The following CDK5RAP1 variants were observed in gnomAD, a reference collection of about 807,000 sequenced individuals.
CDK5RAP1 encodes CDK5RAP1 mitochondrial tRNA methylthiotransferase.
CDK5RAP1 carries 62 observed loss-of-function variants against 64.5 expected under a neutral mutation model. The ratio of observed to expected loss-of-function variants is 0.96; its 90% CI spans 0.78 to 1.19. The LOEUF (loss-of-function observed/expected upper bound fraction) is 1.19. CDK5RAP1 is among the 50% of genes most tolerant of loss of function. CDK5RAP1 has a pLI of 0.00. For missense variants in CDK5RAP1, 657 were observed against 735.0 expected (o/e 0.89, Z 1.23); for synonymous variants, 250 against 261.9 (o/e 0.95, Z 0.44).
At chr20:33,374,322 G>C in intron 8 of CDK5RAP1, 110 bp from the exon 9 acceptor site, 1 of 703,240 alleles carries the variant, frequency 1.4e-6, no homozygotes, top group Non-Finnish European at 2.5e-6. Flanking sequence ...ACATAATTAA[G>C]AGGCTAATTA....
chr20:33,383,974 G>T (rs1386027804), intron 7 of CDK5RAP1, among the ~76,000 whole-genome samples: 1 of 152,030 alleles, frequency 6.6e-6, no homozygotes, highest in Non-Finnish European at 1.5e-5. Flanking sequence ...TGGGGCAGAG[G>T]GGTCATTATA....
intron 7 of CDK5RAP1, among the ~76,000 whole-genome samples, chr20:33,384,078 G>A (rs1987114377): frequency 6.6e-6 from 1 of 151,950 alleles, no homozygotes; most frequent in African/African-American, 2.4e-5. Flanking sequence ...ACTTCCAATA[G>A]ATAACCATTG....
At chr20:33,393,147 G>C (rs1025657197) in intron 4 of CDK5RAP1, among the ~76,000 whole-genome samples, 1 of 151,996 alleles carries the variant, frequency 6.6e-6, no homozygotes, top group East Asian at 1.9e-4. Flanking sequence ...CAAAGCGCTG[G>C]GATTACAGGT....
chr20:33,390,001 G>A (rs1347683485), intron 5 of CDK5RAP1, among the ~76,000 whole-genome samples: 1 of 151,408 alleles, frequency 6.6e-6, no homozygotes, highest in East Asian at 1.9e-4. Flanking sequence ...TTCTGGCCAG[G>A]TGCTATGGGT....
intron 8 of CDK5RAP1, among the ~76,000 whole-genome samples, chr20:33,379,167 T>C (rs940660473): frequency 3.3e-5 from 5 of 152,156 alleles, no homozygotes; most frequent in African/African-American, 1.2e-4. Context: ...TTTTTTGTAT[T>C]TGCAGTAGAG....
In CDK5RAP1 at chr20:33,382,240, G is replaced by T. The variant is rs76123449; in HGVS notation, c.877-2549C>A. ...ATTAAAAAGTAGGATATAAAACTAA[G>T]TAAAATACACACACATATATAAAAA... On this transcript the variant is annotated intron_variant, in intron 7 of 13. Transcript: ENST00000346416. 9.8e-3 allele frequency among the ~76,000 whole-genome samples: 1,485 copies of T among 152,218 alleles called. 15 individuals are homozygous for T. Among genetic ancestry groups the T allele is most frequent in the African/African-American group, 0.033 (1,368 of 41,518 alleles).
chr20:33,365,226 G>C (rs149683636), intron 12 of CDK5RAP1, among the ~76,000 whole-genome samples: 1 of 152,032 alleles, frequency 6.6e-6, no homozygotes, highest in East Asian at 1.9e-4. Flanking sequence ...TGGTTAATAG[G>C]TATGCCAGCA....
chr20:33,380,115 GACA>G (rs1185056973), intron 7 of CDK5RAP1, among the ~76,000 whole-genome samples: 1 of 152,124 alleles, frequency 6.6e-6, no homozygotes, highest in African/African-American at 2.4e-5. Context: ...TATATTAAAT[GACA>G]ACATGAGGAA....
In CDK5RAP1 at chr20:33,366,880, G is replaced by A; in HGVS notation, c.1521C>T (p.Thr507=). 1 of 1,613,684 alleles carries A rather than the reference G, an allele frequency of 6.2e-7. No individual in the cohort carries two copies. Among genetic ancestry groups the A allele is most frequent in the Admixed American group, 1.7e-5 (1 of 59,902 alleles). Reference sequence around the variant, plus strand: ...TCACCCCTTCCACTAGCACCAACTGGGTACAGCCCACAGAGGTCTGATTGG... The same window carrying A: ...TCACCCCTTCCACTAGCACCAACTGAGTACAGCCCACAGAGGTCTGATTGG... ...TKANQTSVGC[T]QLVLVEGLSK... Residue 507 remains threonine (T), a synonymous_variant, in exon 12 of 14, where the codon ACC becomes ACT. Transcript: ENST00000346416.
rs149518156 is a variant in CDK5RAP1, at chr20:33,379,661, T to C, written c.907A>G (p.Asn303Asp). Residue 303 changes from asparagine (N) to aspartate (D), a missense_variant, in exon 8 of 14, where the codon AAT becomes GAT. Transcript: ENST00000346416. ...GAATTGTCCCGAAAACTATTAACATTCTGACCAAGAAGTGTCACTTCTTTC... is the reference window on the plus strand; with the variant it reads ...GAATTGTCCCGAAAACTATTAACATCCTGACCAAGAAGTGTCACTTCTTTC... Reference protein sequence around the residue: ...GLKEVTLLGQNVNSFRDNSEV... With the variant: ...GLKEVTLLGQDVNSFRDNSEV... 1 of 1,614,130 alleles carries C rather than the reference T, an allele frequency of 6.2e-7. No homozygotes were observed. The highest frequency in any genetic ancestry group is 1.7e-5 in the Admixed American group (1 of 60,022).
intron 7 of CDK5RAP1, among the ~76,000 whole-genome samples, chr20:33,382,357 G>C (rs1415223600): frequency 1.3e-5 from 2 of 152,170 alleles, no homozygotes; most frequent in Non-Finnish European, 2.9e-5. Flanking sequence ...AGCAATTTTT[G>C]TTAATCTTAC....
At position 33,387,441 on chromosome 20, in the gene CDK5RAP1, G is replaced by A. The variant is rs143986547; in HGVS notation, c.637C>T (p.Arg213Trp). ...CCCGACTCAGCAACAGCCAGCAGCC[G>A]GGGAAGGTCCCGGTAGGCATCAGGA... ...AGPDAYRDLP[R>W]LLAVAESGQQ... The change falls in exon 6 of 14, where the codon CGG (arginine) becomes TGG (tryptophan). Residue 213 changes from arginine to tryptophan, a missense_variant. Arg to Trp is a moderately radical substitution (Grantham distance 101). Coordinates refer to ENST00000346416, the MANE Select transcript of CDK5RAP1 (RefSeq NM_016408.4). 654 of 1,614,042 alleles carry A rather than the reference G, an allele frequency of 4.1e-4. No homozygotes were observed. The highest frequency in any genetic ancestry group is 5.2e-4 in the Non-Finnish European group (611 of 1,179,972).
In CDK5RAP1 at chr20:33,369,878, C is replaced by G. The variant is rs117279115; in HGVS notation, c.1392+621G>C. Among the ~76,000 whole-genome samples, 1,037 of 152,328 alleles carry G rather than the reference C, an allele frequency of 6.8e-3. 5 individuals carry two copies. Among genetic ancestry groups the G allele is most frequent in the South Asian group, 0.011 (53 of 4,824 alleles). Reference sequence around the variant, plus strand: ...CACAGGGGGCCTTCAACCTCCTGCCCAAACACAAGCACATTGCCACAAAGG... The same window carrying G: ...CACAGGGGGCCTTCAACCTCCTGCCGAAACACAAGCACATTGCCACAAAGG... On this transcript the variant is annotated intron_variant, in intron 11 of 13. Transcript: ENST00000346416.
At chr20:33,391,824 G>T (rs376937964) in intron 5 of CDK5RAP1, among the ~76,000 whole-genome samples, 19 of 138,632 alleles carry the variant, frequency 1.4e-4, no homozygotes, top group African/African-American at 4.7e-4. Flanking sequence ...CCATCTCAAA[G>T]AAAAAAAAAA....
Position 33,376,595 on chromosome 20 carries a change from C to T in CDK5RAP1, c.1108-2383G>A, listed in dbSNP as rs1986023202. On this transcript the variant is annotated intron_variant, in intron 8 of 13. Transcript: ENST00000346416. The stretch of plus-strand genomic sequence containing the variant: ...AGATGTACAAGGAGATTATTAGTGT[C>T]GTTTTTATGCCTGCTAACACAATAT... 2.0e-5 allele frequency among the ~76,000 whole-genome samples: 3 copies of T among 152,166 alleles called. No individual in the cohort carries two copies. The East Asian group carries it at 5.8e-4, about 29-fold the overall frequency.
chr20:33,373,760 A>G (rs970026079), intron 9 of CDK5RAP1: 4 of 215,542 alleles, frequency 1.9e-5, no homozygotes, highest in East Asian at 1.1e-4. Context: ...AAAACATACT[A>G]AACAGTGAAA....
At chr20:33,399,203 G>A (rs571276232) in intron 1 of CDK5RAP1, among the ~76,000 whole-genome samples, 1 of 151,546 alleles carries the variant, frequency 6.6e-6, no homozygotes, top group South Asian at 2.1e-4. Context: ...AGAATTCTAG[G>A]ATCACCATAT....
chr20:33,361,409 C>T (rs1982893048), intron 12 of CDK5RAP1, among the ~76,000 whole-genome samples: 1 of 152,192 alleles, frequency 6.6e-6, no homozygotes, highest in Non-Finnish European at 1.5e-5. Context: ...TGAACACTAA[C>T]ACTTGCATGT....
chr20:33,386,201 C>T (rs1675542452), intron 6 of CDK5RAP1, among the ~76,000 whole-genome samples: 1 of 152,140 alleles, frequency 6.6e-6, no homozygotes, highest in Non-Finnish European at 1.5e-5. Context: ...GTAGCTGGGA[C>T]TACAGGCGCC....
Sources: gnomAD v4.1 joint callset for allele counts (sites outside exome capture counted in the v4.1 genomes callset) on GRCh38, gnomAD v4.1.1 for gene constraint, MANE v1.5 for transcripts, NCBI Gene and HGNC (gene_info 2026-07-23, HGNC 2026-07-21) for gene names.